The following PARD3B variants were observed in gnomAD, a reference collection of about 807,000 sequenced individuals.
PARD3B encodes the protein partitioning defective 3 homolog B.
PARD3B carries 103 observed loss-of-function variants against 130.2 expected under a neutral mutation model. The observed-to-expected ratio is 0.79, with a 90% CI of 0.67 to 0.93. The LOEUF is 0.93. Among genes scored for constraint, PARD3B ranks in the 40% least tolerant of loss-of-function variants. The probability of loss-of-function intolerance (pLI) is 0.00; values close to 1 mark genes in which losing one functional copy is unlikely to be tolerated. For synonymous variants in PARD3B, 583 were observed against 553.2 expected, an observed-to-expected ratio of 1.05 and a Z score of -0.76; for missense variants, 1,609 against 1,499.2, an observed-to-expected ratio of 1.07 and a Z score of -1.21.
intron 15 of PARD3B, among the ~76,000 whole-genome samples, chr2:205,223,966 G>C (rs2038379317): frequency 6.6e-6 from 1 of 152,000 alleles, no homozygotes; most frequent in Admixed American, 6.6e-5. Flanking sequence ...CGGAGGCTGA[G>C]GCAGGAGAAA....
In PARD3B at chr2:205,554,929, G is replaced by A. The variant is rs191181104; in HGVS notation, c.3260+1526G>A. Among the ~76,000 whole-genome samples the A allele has an allele frequency of 2.8e-4, 43 of 152,272 alleles. No homozygotes were observed. In the East Asian group the frequency reaches 7.5e-3, roughly 27 times the overall value. The stretch of plus-strand genomic sequence containing the variant: ...ATTCTGGTATCTGAGGTCGGGGGCT[G>A]GGGTGCGGGAGGTGCAGTCCTGGAA... On this transcript the variant is annotated intron_variant, in intron 22 of 22. Coordinates refer to ENST00000406610, the MANE Select transcript of PARD3B (RefSeq NM_001302769.2).
intron 4 of PARD3B, among the ~76,000 whole-genome samples, chr2:205,092,564 A>G (rs1385205305): frequency 6.6e-6 from 1 of 152,210 alleles, no homozygotes; most frequent in African/African-American, 2.4e-5. Flanking sequence ...GAAAGAAGAA[A>G]GAGCAATGGA....
chr2:205,151,109 C>T (rs2125695355), intron 10 of PARD3B, among the ~76,000 whole-genome samples: 1 of 152,256 alleles, frequency 6.6e-6, no homozygotes, highest in Middle Eastern at 3.4e-3. Flanking sequence ...TGCTGTACTC[C>T]ATAAATATAT....
At chr2:204,633,753 A>C (rs1326370110) in intron 1 of PARD3B, among the ~76,000 whole-genome samples, 1 of 152,194 alleles carries the variant, frequency 6.6e-6, no homozygotes, top group Non-Finnish European at 1.5e-5. Context: ...CAGAGGTTGC[A>C]GTGAGCTGAG....
Position 205,458,077 on chromosome 2 carries a change from T to A in PARD3B, c.3044+17405T>A, listed in dbSNP as rs1321577568. 3.3e-5 allele frequency among the ~76,000 whole-genome samples: 5 copies of A among 152,122 alleles called. No individual in the cohort carries two copies. The highest frequency in any genetic ancestry group is 4.4e-5 in the Non-Finnish European group (3 of 68,000). ...TTTGACTGCCTTAAATTTTTTCCTT[T>A]TTGTCTTGGTTTTCAGCAGTTTTAC... On this transcript the variant is annotated intron_variant, in intron 20 of 22. Transcript: ENST00000406610. This position sits in a 1 kb window ranked among gnomAD's most constrained non-coding sequence, Gnocchi z 4.8.
intron 2 of PARD3B, among the ~76,000 whole-genome samples, chr2:204,808,401 T>C (rs2125517287): frequency 6.6e-6 from 1 of 152,228 alleles, no homozygotes; most frequent in South Asian, 2.1e-4. Context: ...TGAAGTTGTG[T>C]GAAGGGAGTT....
intron 2 of PARD3B, among the ~76,000 whole-genome samples, chr2:204,827,983 G>A (rs746578264): frequency 6.6e-6 from 1 of 152,072 alleles, no homozygotes; most frequent in Non-Finnish European, 1.5e-5. Context: ...GGAGGTGGGC[G>A]GTTGTAACTC....
intron 4 of PARD3B, among the ~76,000 whole-genome samples, chr2:205,067,653 A>G (rs1700474647): frequency 6.6e-6 from 1 of 152,150 alleles, no homozygotes; most frequent in Non-Finnish European, 1.5e-5. Context: ...TTTAAGTGGT[A>G]TGTGTGTGGG....
In PARD3B at chr2:205,563,718, T is replaced by C. The variant is rs546329326; in HGVS notation, c.3260+10315T>C. On this transcript the variant is annotated intron_variant, in intron 22 of 22. Transcript: ENST00000406610. This position sits in a 1 kb window ranked among gnomAD's most constrained non-coding sequence, Gnocchi z 4.2. ...TTATGGGAAATAAAGAAAAACACTT[T>C]TGAATCACACACTTTTTCTTCTTTT... Among the ~76,000 whole-genome samples the C allele has an allele frequency of 3.3e-5, 5 of 152,184 alleles. No individual in the cohort carries two copies. Among genetic ancestry groups the C allele is most frequent in the Non-Finnish European group, 7.4e-5 (5 of 68,024 alleles).
chr2:204,659,606 T>G (rs1053867519), intron 1 of PARD3B, among the ~76,000 whole-genome samples: 4 of 152,104 alleles, frequency 2.6e-5, no homozygotes, highest in African/African-American at 9.7e-5. Context: ...TTCCCCCACA[T>G]CATCCCAAGA....
intron 3 of PARD3B, among the ~76,000 whole-genome samples, chr2:205,039,465 AT>A (rs539998118): frequency 2.8e-3 from 423 of 151,832 alleles, no homozygotes; most frequent in African/African-American, 7.9e-3. Context: ...AGTTTATTTT[AT>A]TTTATTTATT....
At chr2:204,551,275 A>G (rs1276752328) in intron 1 of PARD3B, among the ~76,000 whole-genome samples, 1 of 152,192 alleles carries the variant, frequency 6.6e-6, no homozygotes, top group African/African-American at 2.4e-5. Flanking sequence ...CTTTGGGGGA[A>G]AAGCAAATTG....
intron 2 of PARD3B, among the ~76,000 whole-genome samples, chr2:204,944,932 T>G (rs1425102050): frequency 6.6e-6 from 1 of 152,254 alleles, no homozygotes. Flanking sequence ...TTGCACAAAG[T>G]GCATTTGTCA....
intron 18 of PARD3B, among the ~76,000 whole-genome samples, chr2:205,316,792 A>G (rs1316967511): frequency 2.0e-5 from 3 of 152,234 alleles, no homozygotes; most frequent in Admixed American, 1.3e-4. Context: ...TTCTAGGTAA[A>G]ATGGAGAAAT....
chr2:204,647,124 TTAG>T (rs1394884098), intron 1 of PARD3B, among the ~76,000 whole-genome samples: 1 of 151,916 alleles, frequency 6.6e-6, no homozygotes, highest in African/African-American at 2.4e-5. Context: ...ATCATCTGTA[TTAG>T]TTACTGCTTT....
chr2:205,574,515 C>T (rs984820518), intron 22 of PARD3B, among the ~76,000 whole-genome samples: 2 of 152,122 alleles, frequency 1.3e-5, no homozygotes, highest in Non-Finnish European at 2.9e-5. Flanking sequence ...GACAATGGCT[C>T]CTCTAGAATA....
intron 2 of PARD3B, among the ~76,000 whole-genome samples, chr2:204,766,167 CAG>C (rs1266994234): frequency 6.6e-6 from 1 of 152,024 alleles, no homozygotes; most frequent in African/African-American, 2.4e-5. Flanking sequence ...AACAGTGAAA[CAG>C]AGGTGAAAGT....
At chr2:204,983,328 A>G (rs1416002562) in intron 3 of PARD3B, among the ~76,000 whole-genome samples, 1 of 151,658 alleles carries the variant, frequency 6.6e-6, no homozygotes, top group Non-Finnish European at 1.5e-5. Context: ...ACTTATAACA[A>G]CTGACATTTA....
chr2:204,953,474 G>A (rs1045492450), intron 2 of PARD3B, among the ~76,000 whole-genome samples: 3 of 151,122 alleles, frequency 2.0e-5, no homozygotes, highest in African/African-American at 4.9e-5. Context: ...GAGAAGGCTG[G>A]AGGGAAAGCA....
Sources: gnomAD v4.1 joint callset for allele counts (sites outside exome capture counted in the v4.1 genomes callset) on GRCh38, gnomAD v4.1.1 for gene constraint, Gnocchi (gnomAD v3.1) non-coding constraint, MANE v1.5 for transcripts, NCBI Gene and HGNC (gene_info 2026-07-23, HGNC 2026-07-21) for gene names.